The following PIGZ variants were observed in gnomAD, a reference collection of about 807,000 sequenced individuals.
The protein encoded by PIGZ is GPI alpha-1,2-mannosyltransferase 4.
A neutral mutation model predicts 16.4 loss-of-function variants in PIGZ; 16 were observed. The ratio of observed to expected loss-of-function variants is 0.97; its 90% CI spans 0.66 to 1.48. The LOEUF is 1.48. Among genes scored for constraint, PIGZ ranks in the 40% most tolerant of loss-of-function variants. The pLI is 0.00. For synonymous variants in PIGZ, 409 were observed against 338.4 expected, an observed-to-expected ratio of 1.21 and a Z score of -2.29; for missense variants, 770 against 739.2, an observed-to-expected ratio of 1.04 and a Z score of -0.48.
At position 196,962,772 on chromosome 3, in the gene PIGZ, C is replaced by T. The variant is rs1403262867; in HGVS notation, c.-1+5915G>A. On this transcript the variant is annotated intron_variant, in intron 1 of 2. Transcript: ENST00000412723. ...CCTTTCCTTAAACTTATTTATGACA[C>T]AGAGTCTTTTGTTCACATGTTTTCC... 2.6e-5 allele frequency among the ~76,000 whole-genome samples: 4 copies of T among 152,182 alleles called. No homozygotes were observed. The East Asian group carries it at 5.8e-4, about 22-fold the overall frequency.
At chr3:196,949,990 A>C (rs1034369022) in intron 2 of PIGZ, among the ~76,000 whole-genome samples, 4 of 151,734 alleles carry the variant, frequency 2.6e-5, no homozygotes, top group Non-Finnish European at 5.9e-5. Flanking sequence ...ACAATACTTA[A>C]ATTTTTTTTT....
intron 2 of PIGZ, 80 bp from the exon 3 acceptor site, chr3:196,948,765 C>G (rs1380654816): frequency 9.2e-7 from 1 of 1,088,792 alleles, no homozygotes; most frequent in Non-Finnish European, 1.3e-6. Flanking sequence ...CCCCACATTT[C>G]CCACCCCTTG....
Position 196,948,656 on chromosome 3 carries a change from G to T in PIGZ, c.241C>A (p.Pro81Thr). 1 of 1,463,316 alleles carries T rather than the reference G, an allele frequency of 6.8e-7. No homozygotes were observed. The highest frequency in any genetic ancestry group is 2.1e-4 in the Middle Eastern group (1 of 4,822). 90.6% of individuals were successfully genotyped at this position (1,463,316 alleles called of 1,614,324 possible). The change falls in exon 3 of 3, where the codon CCC becomes ACC. Residue 81 changes from proline to threonine, a missense_variant. Transcript: ENST00000412723. Reference sequence around the variant, plus strand: ...GAGCTGCTGGGGTAAAACTCCCAGGGCCGCGCGGCCTGAACGCCCAGGATG... The same window carrying T: ...GAGCTGCTGGGGTAAAACTCCCAGGTCCGCGCGGCCTGAACGCCCAGGATG... ...EDILGVQAAR[P>T]WEFYPSSSCR... is the part of the protein sequence containing the mutation.
chr3:196,949,289 G>A (rs1717166594), intron 2 of PIGZ, among the ~76,000 whole-genome samples: 1 of 152,012 alleles, frequency 6.6e-6, no homozygotes, highest in Non-Finnish European at 1.5e-5. Flanking sequence ...CTGTAAAATA[G>A]GGAGACTATG....
chr3:196,967,727 C>A (rs1717987734), intron 1 of PIGZ, among the ~76,000 whole-genome samples: 1 of 152,202 alleles, frequency 6.6e-6, no homozygotes. Flanking sequence ...CTGATGCTGG[C>A]CGCCTTCTTC....
chr3:196,951,288 C>T (rs1717271544), intron 2 of PIGZ, among the ~76,000 whole-genome samples: 1 of 152,136 alleles, frequency 6.6e-6, no homozygotes, highest in Non-Finnish European at 1.5e-5. Flanking sequence ...ATGAGGATGA[C>T]CCCACATGCC....
chr3:196,951,091 A>AT (rs1717263487), intron 2 of PIGZ, among the ~76,000 whole-genome samples: 1 of 152,304 alleles, frequency 6.6e-6, no homozygotes, highest in Non-Finnish European at 1.5e-5. Flanking sequence ...AAAGACTATA[A>AT]TTTTTAGCTT....
chr3:196,966,164 T>C lies in PIGZ; in HGVS notation c.-1+2523A>G, dbSNP rs181119220. ...AGCTTCTTGGCTCACACGGTTTCAC[T>C]TACCCAATACGCTAATAACATGGAG... On this transcript the variant is annotated intron_variant, in intron 1 of 2. Transcript: ENST00000412723. Among the ~76,000 whole-genome samples, 111 of 152,348 alleles carry C rather than the reference T, an allele frequency of 7.3e-4. 4 individuals are homozygous for C. The highest frequency in any genetic ancestry group is 2.5e-3 in the African/African-American group (103 of 41,572).
intron 1 of PIGZ, among the ~76,000 whole-genome samples, chr3:196,955,563 C>CTTTCTTTTTTTTTTTTTTTTTTTTT (rs1560185817): frequency 9.4e-6 from 1 of 105,930 alleles, no homozygotes; most frequent in Non-Finnish European, 1.8e-5. Flanking sequence ...CTTTTCTTTT[C>CTTTCTTTTTTTTTTTTTTTTTTTTT]TTTTCTTTCT....
intron 1 of PIGZ, among the ~76,000 whole-genome samples, chr3:196,968,148 G>A (rs1718006725): frequency 6.6e-6 from 1 of 152,206 alleles, no homozygotes; most frequent in African/African-American, 2.4e-5. Context: ...TGCCACCCCT[G>A]GGGCAGGAGG....
At chr3:196,966,065 A>G (rs879362252) in intron 1 of PIGZ, among the ~76,000 whole-genome samples, 3 of 152,116 alleles carry the variant, frequency 2.0e-5, no homozygotes, top group Non-Finnish European at 2.9e-5. Context: ...TGTGTTCGTG[A>G]GTAGAATTCG....
chr3:196,947,768 G>T lies in PIGZ; in HGVS notation c.1129C>A (p.Pro377Thr). ...CTAAAGGCAGATAGCAGGGCCAGAG[G>T]CATGAAGTAGAGGAGAAGGAGATAG... Reference protein sequence around the residue: ...RSYLLLLYFMPLALLSAFSHQ... With the variant: ...RSYLLLLYFMTLALLSAFSHQ... The change falls in exon 3 of 3, where the codon CCT (proline) becomes ACT (threonine). Residue 377 changes from proline (P) to threonine (T), a missense_variant. By Grantham distance (38) the Pro-to-Thr change is conservative. Coordinates refer to ENST00000412723, the MANE Select transcript of PIGZ (RefSeq NM_025163.4). 1 of 1,610,970 alleles carries T rather than the reference G, an allele frequency of 6.2e-7. No homozygotes were observed. The highest frequency in any genetic ancestry group is 1.3e-5 in the African/African-American group (1 of 74,952).
At chr3:196,964,036 ATTTTTATT>A (rs141603176) in intron 1 of PIGZ, among the ~76,000 whole-genome samples, 28 of 138,732 alleles carry the variant, frequency 2.0e-4, no homozygotes, top group African/African-American at 5.9e-4. Flanking sequence ...GTTTGCTTTT[ATTTTTATT>A]TTTATTTATT....
chr3:196,948,493 G>A lies in PIGZ; in HGVS notation c.404C>T (p.Ala135Val). The change falls in exon 3 of 3, where the codon GCC becomes GTC. Residue 135 changes from alanine to valine, a missense_variant. Physicochemically the swap from Ala to Val is moderately conservative, Grantham distance 64. Coordinates refer to ENST00000412723, the MANE Select transcript of PIGZ (RefSeq NM_025163.4). ...GGCCCCGTCCAGAGCAAAGGAAAGGGCAGTGAGGAGGAGTCGAGGCCCCAC... is the reference window on the plus strand; with the variant it reads ...GGCCCCGTCCAGAGCAAAGGAAAGGACAGTGAGGAGGAGTCGAGGCCCCAC... ...LLVGPRLLLT[A>V]LSFALDGAVY... 1 of 1,613,518 alleles carries A rather than the reference G, an allele frequency of 6.2e-7. No individual in the cohort carries two copies. The highest frequency in any genetic ancestry group is 1.7e-4 in the Middle Eastern group (1 of 6,060).
Position 196,948,151 on chromosome 3 carries a change from G to A in PIGZ, c.746C>T (p.Pro249Leu), listed in dbSNP as rs1159142008. 1 of 1,611,546 alleles carries A rather than the reference G, an allele frequency of 6.2e-7. No homozygotes were observed. The highest frequency in any genetic ancestry group is 8.5e-7 in the Non-Finnish European group (1 of 1,178,408). ...YLWGTRGATN[P>L]GLKSLTREAL... ...CTCCCGGGTCAGAGACTTCAAACCA[G>A]GGTTTGTGGCTCCACGAGTGCCCCA... Residue 249 changes from proline to leucine, a missense_variant, in exon 3 of 3, where the codon CCT (proline) becomes CTT (leucine). Pro to Leu is a moderately conservative substitution (Grantham distance 98, BLOSUM62 -3). Coordinates refer to ENST00000412723, the MANE Select transcript of PIGZ (RefSeq NM_025163.4).
chr3:196,952,260 C>T (rs1361955356), intron 1 of PIGZ, among the ~76,000 whole-genome samples: 4 of 152,130 alleles, frequency 2.6e-5, no homozygotes, highest in Non-Finnish European at 4.4e-5. Flanking sequence ...GATGGGGAAA[C>T]GGAGGCCTCT....
chr3:196,947,551 G>A lies in PIGZ; in HGVS notation c.1346C>T (p.Pro449Leu), dbSNP rs777512257. The A allele has an allele frequency of 1.2e-6, 2 of 1,613,794 alleles. No homozygotes were observed. Among genetic ancestry groups the A allele is most frequent in the Admixed American group, 1.7e-5 (1 of 60,032 alleles). ...LEYLEQVVHA[P>L]VLPSTPTHYT... ...GTGGGTGGGTGTGCTTGGGAGCACAGGGGCATGGACCACCTGCTCCAGGTA... is the reference window on the plus strand; with the variant it reads ...GTGGGTGGGTGTGCTTGGGAGCACAAGGGCATGGACCACCTGCTCCAGGTA... Residue 449 changes from proline (P) to leucine (L), a missense_variant, in exon 3 of 3, where the codon CCT (proline) becomes CTT (leucine). Pro to Leu is a moderately conservative substitution (Grantham distance 98). Coordinates refer to ENST00000412723, the MANE Select transcript of PIGZ (RefSeq NM_025163.4).
At position 196,947,140 on chromosome 3, in the gene PIGZ, G is replaced by C. The variant is rs1417503902; in HGVS notation, c.*17C>G. 1 of 1,529,602 alleles carries C rather than the reference G, an allele frequency of 6.5e-7. No individual in the cohort carries two copies. Among genetic ancestry groups the C allele is most frequent in the Non-Finnish European group, 8.8e-7 (1 of 1,137,634 alleles). The allele number at this position is 1,529,602 out of a possible 1,614,324, so 94.8% of individuals were successfully genotyped here. A position where few individuals can be genotyped will look rare whatever the true frequency, so the allele number is the denominator to read the frequency against. ...TTCTATGGCTGAGTCTTGGGCAGTG[G>C]GTGCTCTGTCATATTGTCAGGTTTC... is the stretch of plus-strand genomic sequence containing the variant. On this transcript the variant is annotated 3_prime_UTR_variant, in exon 3 of 3. Coordinates refer to ENST00000412723, the MANE Select transcript of PIGZ (RefSeq NM_025163.4).
Position 196,952,049 on chromosome 3 carries a change from TGTTG to T in PIGZ, c.1-22_1-19del. 1 of 1,606,482 alleles carries T rather than the reference TGTTG, an allele frequency of 6.2e-7. No individual in the cohort carries two copies. Among genetic ancestry groups the T allele is most frequent in the East Asian group, 2.2e-5 (1 of 44,810 alleles). On this transcript the variant is annotated intron_variant, in intron 1 of 2. Transcript: ENST00000412723. The stretch of plus-strand genomic sequence containing the variant: ...ATCTGCATCTGTTGAGGATAACAGT[TGTTG>T]GTTATCACGATGTAAATTATAATAT...
Sources: allele counts gnomAD v4.1 joint callset (sites outside exome capture counted in the v4.1 genomes callset), GRCh38; gene constraint gnomAD v4.1.1; transcripts MANE v1.5; gene names NCBI Gene and HGNC (gene_info 2026-07-23, HGNC 2026-07-21).